Variants in SETX observed in about 807,000 individuals in gnomAD.
SETX encodes the protein senataxin, also known as helicase senataxin.
A neutral mutation model predicts 227.2 loss-of-function variants in SETX; 90 were observed. The observed-to-expected ratio is 0.40, with a 90% CI of 0.33 to 0.47. The LOEUF is 0.47. Among genes scored for constraint, SETX ranks in the 20% least tolerant of loss-of-function variants. SETX has a pLI of 0.91. For synonymous variants in SETX, 1,210 were observed against 1,113.2 expected, an observed-to-expected ratio of 1.09 and a Z score of -1.73; for missense variants, 3,052 against 3,181.5, an observed-to-expected ratio of 0.96 and a Z score of 0.98.
rs1271556694 is a variant in SETX, at chr9:132,264,868, G to T, written c.7405C>A (p.Leu2469Met). ...AVKILKLKPV[L>M]QRSLTHPPTI... is the part of the protein sequence containing the mutation. ...GGAGGGTGAGTGAGACTTCTCTGCA[G>T]CACAGGCTTGAGTTTCAGAATCTTC... The change falls in exon 26 of 26, where the codon CTG becomes ATG. Residue 2469 changes from leucine to methionine, a missense_variant. Leu to Met is a conservative substitution (Grantham distance 15). Transcript: ENST00000224140. 1 of 1,614,020 alleles carries T rather than the reference G, an allele frequency of 6.2e-7. No homozygotes were observed. Among genetic ancestry groups the T allele is most frequent in the African/African-American group, 1.3e-5 (1 of 74,922 alleles).
intron 3 of SETX, among the ~76,000 whole-genome samples, chr9:132,346,781 G>A (rs942861596): frequency 3.1e-5 from 3 of 95,718 alleles, no homozygotes; most frequent in Admixed American, 2.6e-4. Flanking sequence ...GCAAGACCCT[G>A]TCACTAAAAA....
intron 12 of SETX, among the ~76,000 whole-genome samples, 177 bp downstream of exon 12, chr9:132,300,453 T>C (rs1844923565): frequency 6.6e-6 from 1 of 152,198 alleles, no homozygotes; most frequent in Non-Finnish European, 1.5e-5. Flanking sequence ...ATACAAGGTC[T>C]TTTCCAGTTA....
intron 15 of SETX, among the ~76,000 whole-genome samples, chr9:132,290,959 T>C (rs1244661925): frequency 2.0e-5 from 3 of 150,052 alleles, no homozygotes; most frequent in African/African-American, 7.6e-5. Context: ...TTGTTTACTG[T>C]CTATCTCCAT....
intron 18 of SETX, 43 bp from the exon 19 acceptor site, chr9:132,283,456 T>G (rs1843657428): frequency 3.1e-6 from 5 of 1,610,588 alleles, no homozygotes; most frequent in Non-Finnish European, 4.2e-6. Context: ...TGTACATCAA[T>G]CCTTGACTAT....
At chr9:132,324,406 C>T (rs774394278) in intron 10 of SETX, among the ~76,000 whole-genome samples, 1 of 151,948 alleles carries the variant, frequency 6.6e-6, no homozygotes, top group Admixed American at 6.5e-5. Context: ...GTTAACAACT[C>T]ACTTCTCTTC....
chr9:132,286,570 T>C (rs1843912185), intron 17 of SETX, 76 bp from the exon 18 acceptor site: 2 of 981,292 alleles, frequency 2.0e-6, no homozygotes, highest in East Asian at 2.4e-5. Context: ...CTACCTCTAA[T>C]TTTAAAAGAG....
intron 10 of SETX, among the ~76,000 whole-genome samples, chr9:132,316,938 AT>A (rs886268021): frequency 9.2e-5 from 14 of 152,362 alleles, no homozygotes; most frequent in African/African-American, 3.4e-4. Context: ...TTCCTTACAA[AT>A]TATAAAATAA....
chr9:132,326,929 T>C lies in SETX; in HGVS notation c.4669A>G (p.Thr1557Ala). The change falls in exon 10 of 26, where the codon ACC (threonine) becomes GCC (alanine). Residue 1557 changes from threonine to alanine, a missense_variant. Physicochemically the swap from Thr to Ala is moderately conservative, Grantham distance 58 (BLOSUM62 0). Around this residue, in one of 10 missense-constraint regions of SETX, gnomAD observed 1,483 missense variants for 1,312.0 expected, o/e 1.13. Coordinates refer to ENST00000224140, the MANE Select transcript of SETX (RefSeq NM_015046.7). ...CAGTATTCACCCTGGTTTTTTGTGG[T>C]TTCAAGACAATCTTTGTACTTACAC... ...TKCKYKDCLE[T>A]TKNQGEYCPK... The C allele has an allele frequency of 6.2e-7, 1 of 1,614,166 alleles. No individual in the cohort carries two copies. The highest frequency in any genetic ancestry group is 8.5e-7 in the Non-Finnish European group (1 of 1,180,024).
intron 20 of SETX, among the ~76,000 whole-genome samples, chr9:132,278,704 A>G (rs1175190988): frequency 4.6e-5 from 7 of 152,144 alleles, no homozygotes; most frequent in Non-Finnish European, 8.8e-5. Flanking sequence ...TGTGAAAGAC[A>G]ACTGATGCTA....
chr9:132,268,871 T>A (rs1280614113), intron 25 of SETX, among the ~76,000 whole-genome samples: 3 of 152,148 alleles, frequency 2.0e-5, no homozygotes, highest in African/African-American at 7.2e-5. Context: ...CGACAAAGGC[T>A]GGAGGTGATA....
rs1491438791 is a variant in SETX, at chr9:132,337,447, AAC to A, written c.499-934_499-933del. ...CTCACAACCAACCTTAAAAAAAAAAAACAAGAACAGAAAAATATCAAGAGTGC... is the reference window on the plus strand; with the variant it reads ...CTCACAACCAACCTTAAAAAAAAAAAAAGAACAGAAAAATATCAAGAGTGC... On this transcript the variant is annotated intron_variant, in intron 5 of 25. Transcript: ENST00000224140. Among the ~76,000 whole-genome samples the A allele has an allele frequency of 4.6e-5, 7 of 151,824 alleles. No homozygotes were observed. In the East Asian group the frequency reaches 1.4e-3, roughly 29 times the overall value.
chr9:132,261,742 A>C lies in SETX; in HGVS notation c.*2497T>G, dbSNP rs984182690. ...CTCCTGATAATTCACAAAAACATAC[A>C]ACTCAACAAACTGTGCACAATAAAT... On this transcript the variant is annotated 3_prime_UTR_variant, in exon 26 of 26. Transcript: ENST00000224140. The C allele has an allele frequency of 1.3e-5, 2 of 154,692 alleles. No homozygotes were observed. Among genetic ancestry groups the C allele is most frequent in the African/African-American group, 4.8e-5 (2 of 41,536 alleles). 9.6% of individuals were successfully genotyped at this position (154,692 alleles called of 1,614,324 possible).
chr9:132,277,713 G>A (rs919216409), intron 21 of SETX, among the ~76,000 whole-genome samples: 14 of 150,668 alleles, frequency 9.3e-5, no homozygotes, highest in Non-Finnish European at 4.4e-5. Context: ...GAGCCTGGGA[G>A]GTCGAAGCTG....
At chr9:132,282,894 A>G (rs1843624876) in intron 19 of SETX, 1 of 325,800 alleles carries the variant, frequency 3.1e-6, no homozygotes, top group Non-Finnish European at 6.0e-6. Flanking sequence ...TGTTTGCTCA[A>G]AGAGTGAACT....
chr9:132,320,557 G>C (rs1201555406), intron 10 of SETX, among the ~76,000 whole-genome samples: 2 of 122,210 alleles, frequency 1.6e-5, no homozygotes, highest in Non-Finnish European at 3.1e-5. Context: ...TCGCACCACT[G>C]CACTCCAGCC....
chr9:132,347,405 C>A (rs376500136), intron 3 of SETX, among the ~76,000 whole-genome samples: 4 of 151,948 alleles, frequency 2.6e-5, no homozygotes, highest in African/African-American at 9.6e-5. Flanking sequence ...CTTGGCCTCC[C>A]AGGTTCAAGC....
At chr9:132,350,043 G>A (rs1311021621) in intron 2 of SETX, among the ~76,000 whole-genome samples, 1 of 152,168 alleles carries the variant, frequency 6.6e-6, no homozygotes, top group Non-Finnish European at 1.5e-5. Context: ...AGGGAGAAAG[G>A]TTAGAAGGAG....
At chr9:132,343,695 A>T (rs895628589) in intron 4 of SETX, among the ~76,000 whole-genome samples, 1 of 152,066 alleles carries the variant, frequency 6.6e-6, no homozygotes, top group African/African-American at 2.4e-5. Context: ...CATGAAGGGC[A>T]CTCCTAGGAT....
intron 11 of SETX, among the ~76,000 whole-genome samples, chr9:132,304,831 C>T (rs188705277): frequency 1.3e-5 from 2 of 151,984 alleles, no homozygotes; most frequent in Admixed American, 1.3e-4. Flanking sequence ...ATCCCCATCT[C>T]GATTAAAAAT....
Sources: gnomAD v4.1 joint callset for allele counts (sites outside exome capture counted in the v4.1 genomes callset) on GRCh38, gnomAD v4.1.1 for gene constraint, gnomAD v4.1.1 regional missense constraint, MANE v1.5 for transcripts, NCBI Gene and HGNC (gene_info 2026-07-23, HGNC 2026-07-21) for gene names.